The following LPP variants were observed in gnomAD, a reference collection of about 807,000 sequenced individuals.
The protein encoded by LPP is LIM domain containing preferred translocation partner in lipoma.
Under a neutral mutation model 60.4 loss-of-function variants are expected in LPP, and 38 were observed. That is an observed-to-expected ratio of 0.63 (90% confidence interval 0.49 to 0.83). LPP has a LOEUF of 0.83. LPP is among the 40% of genes least tolerant of loss of function. The probability of loss-of-function intolerance (pLI) is 0.00; values close to 1 mark genes in which losing one functional copy is unlikely to be tolerated. For synonymous variants in LPP, 328 were observed against 290.8 expected (o/e 1.13, Z -1.30); for missense variants, 902 against 783.6 (o/e 1.15, Z -1.80).
intron 7 of LPP, among the ~76,000 whole-genome samples, chr3:188,704,275 A>G (rs1256059366): frequency 6.6e-6 from 1 of 152,156 alleles, no homozygotes; most frequent in Non-Finnish European, 1.5e-5. Flanking sequence ...AGGCAGTTTG[A>G]GAGATTCAAA....
intron 1 of LPP, among the ~76,000 whole-genome samples, chr3:188,197,655 G>A (rs9818331): frequency 6.6e-6 from 1 of 152,116 alleles, no homozygotes; most frequent in African/African-American, 2.4e-5. Flanking sequence ...TGAGGGTCAG[G>A]TGAGGTCATG....
chr3:188,353,947 A>G (rs967686185), intron 3 of LPP, among the ~76,000 whole-genome samples: 1 of 151,912 alleles, frequency 6.6e-6, no homozygotes, highest in African/African-American at 2.4e-5. Context: ...TAAGCTGAGA[A>G]CAAAACTAGA....
intron 7 of LPP, among the ~76,000 whole-genome samples, chr3:188,683,490 T>A (rs1859978695): frequency 6.6e-6 from 1 of 152,204 alleles, no homozygotes; most frequent in African/African-American, 2.4e-5. Context: ...TTTGCACATT[T>A]TGACTGCTAG....
At chr3:188,213,420 G>A (rs953764953) in intron 1 of LPP, among the ~76,000 whole-genome samples, 1 of 152,122 alleles carries the variant, frequency 6.6e-6, no homozygotes, top group Non-Finnish European at 1.5e-5. Context: ...CATTATGTGG[G>A]ATTAGAACCC....
intron 8 of LPP, among the ~76,000 whole-genome samples, chr3:188,722,091 G>T (rs1716641392): frequency 6.6e-6 from 1 of 152,116 alleles, no homozygotes; most frequent in Admixed American, 6.6e-5. Flanking sequence ...ATATTTCCTA[G>T]ATCACTTTAT....
chr3:188,330,088 A>G (rs181295270), intron 2 of LPP, among the ~76,000 whole-genome samples: 10 of 152,252 alleles, frequency 6.6e-5, no homozygotes, highest in Non-Finnish European at 1.3e-4. Flanking sequence ...GAGGTTGCCC[A>G]ATAAAACTTG....
rs114191191 is a variant in LPP at position 188,380,987 on chromosome 3, C to T, written c.-9-25125C>T. On this transcript the variant is annotated intron_variant, in intron 3 of 11. Transcript: ENST00000617246. The stretch of plus-strand genomic sequence containing the variant: ...AGAACCTAGATTCAGACCCTGGACT[C>T]TAACCCCAGAGCCTATGTCTTCATC... Among the ~76,000 whole-genome samples, 813 of 152,336 alleles carry T rather than the reference C, an allele frequency of 5.3e-3. 10 individuals are homozygous for T. The highest frequency in any genetic ancestry group is 0.019 in the African/African-American group (772 of 41,582).
intron 2 of LPP, among the ~76,000 whole-genome samples, chr3:188,286,930 C>T (rs1744120498): frequency 6.6e-6 from 1 of 152,062 alleles, no homozygotes; most frequent in South Asian, 2.1e-4. Context: ...GATGGGATTT[C>T]TCTCTTGTTG....
In LPP at chr3:188,356,680, A is replaced by G. The variant is rs539236049; in HGVS notation, c.-10+14961A>G. On this transcript the variant is annotated intron_variant, in intron 3 of 11. Transcript: ENST00000617246. ...ATAGTTCTTGGCTAACCTGGTCACTATGGAAGTTCTTTCCGTGGAAAAAGA... is the reference window on the plus strand; with the variant it reads ...ATAGTTCTTGGCTAACCTGGTCACTGTGGAAGTTCTTTCCGTGGAAAAAGA... 5.3e-5 allele frequency among the ~76,000 whole-genome samples: 8 copies of G among 152,316 alleles called. No individual in the cohort carries two copies. The East Asian group carries it at 7.7e-4, about 15-fold the overall frequency.
At chr3:188,485,582 G>A (rs1485914029) in intron 5 of LPP, among the ~76,000 whole-genome samples, 1 of 151,768 alleles carries the variant, frequency 6.6e-6, no homozygotes, top group Non-Finnish European at 1.5e-5. Context: ...CGGATCACGA[G>A]GTCAGGAGAT....
chr3:188,884,069 G>C lies in LPP; in HGVS notation c.*9590G>C. On this transcript the variant is annotated 3_prime_UTR_variant, in exon 12 of 12. Transcript: ENST00000617246. ...GAAACTGCCATCAGTCTCCTGGGCAGGACCTGGAGGTAACTTTCTGAGCTG... is the reference window on the plus strand; with the variant it reads ...GAAACTGCCATCAGTCTCCTGGGCACGACCTGGAGGTAACTTTCTGAGCTG... 1 of 223,028 alleles carries C rather than the reference G, an allele frequency of 4.5e-6. No individual in the cohort carries two copies. The highest frequency in any genetic ancestry group is 9.0e-6 in the Non-Finnish European group (1 of 111,688). 13.8% of individuals were successfully genotyped at this position (223,028 alleles called of 1,614,324 possible). A position where few individuals can be genotyped will look rare whatever the true frequency, so the allele number is the denominator to read the frequency against.
At position 188,842,034 on chromosome 3, in the gene LPP, A is replaced by C. The variant is rs528888147; in HGVS notation, c.1411-24166A>C. Among the ~76,000 whole-genome samples the C allele has an allele frequency of 2.6e-5, 4 of 152,232 alleles. No homozygotes were observed. In the East Asian group the frequency reaches 5.8e-4, roughly 22 times the overall value. On this transcript the variant is annotated intron_variant, in intron 9 of 11. Transcript: ENST00000617246. ...CTCTCTTTCTATTTGAATACCCTTTATTTGTTTCTCTTGCCCGATTGCACT... is the reference window on the plus strand; with the variant it reads ...CTCTCTTTCTATTTGAATACCCTTTCTTTGTTTCTCTTGCCCGATTGCACT...
intron 7 of LPP, among the ~76,000 whole-genome samples, chr3:188,706,741 T>G (rs1006575937): frequency 2.0e-5 from 3 of 152,208 alleles, no homozygotes; most frequent in Admixed American, 1.3e-4. Context: ...AATATGTAGC[T>G]TTCAGTTTTG....
chr3:188,584,993 AT>A, intron 6 of LPP, among the ~76,000 whole-genome samples: 1 of 152,182 alleles, frequency 6.6e-6, no homozygotes, highest in African/African-American at 2.4e-5. Flanking sequence ...GCGTTTAGAA[AT>A]TTTTTTACTG....
chr3:188,706,247 T>TG (rs1366269934), intron 7 of LPP, among the ~76,000 whole-genome samples: 1 of 152,168 alleles, frequency 6.6e-6, no homozygotes, highest in East Asian at 1.9e-4. Context: ...CCCTGATTTT[T>TG]GGGGGGCTCT....
chr3:188,193,362 C>A (rs1728698318), intron 1 of LPP, among the ~76,000 whole-genome samples: 1 of 152,140 alleles, frequency 6.6e-6, no homozygotes, highest in South Asian at 2.1e-4. Flanking sequence ...CTGTCGCTGT[C>A]TAGATCTGTG....
intron 9 of LPP, among the ~76,000 whole-genome samples, chr3:188,778,019 G>T (rs1480005367): frequency 9.2e-5 from 14 of 152,080 alleles, no homozygotes; most frequent in Admixed American, 8.5e-4. Flanking sequence ...TTAAATAAGG[G>T]CTGTTAACAC....
At chr3:188,469,583 G>A (rs933674065) in intron 4 of LPP, among the ~76,000 whole-genome samples, 3 of 152,116 alleles carry the variant, frequency 2.0e-5, no homozygotes, top group Admixed American at 6.6e-5. Context: ...CCGAGGCTCC[G>A]TATGCAGTTC....
chr3:188,202,583 A>G (rs866401201), intron 1 of LPP, among the ~76,000 whole-genome samples: 2 of 152,214 alleles, frequency 1.3e-5, no homozygotes, highest in African/African-American at 4.8e-5. Flanking sequence ...TTCACGCGCT[A>G]TGACCATGAC....
Sources: gnomAD v4.1 joint callset for allele counts (sites outside exome capture counted in the v4.1 genomes callset) on GRCh38, gnomAD v4.1.1 for gene constraint, MANE v1.5 for transcripts, NCBI Gene and HGNC (gene_info 2026-07-23, HGNC 2026-07-21) for gene names.